Variants in TRHDE observed in about 807,000 individuals in gnomAD.
The protein encoded by TRHDE is thyrotropin releasing hormone degrading enzyme.
Under a neutral mutation model 125.7 loss-of-function variants are expected in TRHDE, and 72 were observed. That is an observed-to-expected ratio of 0.57 (90% CI 0.47 to 0.70). The LOEUF (loss-of-function observed/expected upper bound fraction) is 0.70, where lower values mean the gene tolerates loss of function less well. Among genes scored for constraint, TRHDE ranks in the 30% least tolerant of loss-of-function variants. TRHDE has a pLI of 0.00. For missense variants in TRHDE, 1,110 were observed against 1,327.1 expected (o/e 0.84, Z 2.54); for synonymous variants, 509 against 509.1 (o/e 1.00, Z 0.00).
intron 17 of TRHDE, among the ~76,000 whole-genome samples, chr12:72,654,166 A>G (rs887609202): frequency 7.9e-5 from 12 of 152,204 alleles, no homozygotes; most frequent in East Asian, 5.8e-4. Flanking sequence ...TTAAAAGAAT[A>G]TCAAACATCT....
intron 2 of TRHDE, among the ~76,000 whole-genome samples, chr12:72,311,747 T>C (rs1592536252): frequency 6.6e-6 from 1 of 152,130 alleles, no homozygotes; most frequent in African/African-American, 2.4e-5. Flanking sequence ...GGATATCCAG[T>C]AATGCAGAAA....
chr12:72,477,928 A>T (rs993984648), intron 5 of TRHDE, among the ~76,000 whole-genome samples: 1 of 152,198 alleles, frequency 6.6e-6, no homozygotes. Flanking sequence ...AATGAGAATC[A>T]TTAAACATGA....
chr12:72,620,407 C>T (rs894021968), intron 13 of TRHDE, among the ~76,000 whole-genome samples: 27 of 150,670 alleles, frequency 1.8e-4, no homozygotes, highest in Non-Finnish European at 3.1e-4. Flanking sequence ...CCTGTATTCC[C>T]AGCTGCTCAT....
intron 2 of TRHDE, among the ~76,000 whole-genome samples, chr12:72,249,132 G>T (rs941333755): frequency 3.9e-5 from 6 of 151,910 alleles, no homozygotes; most frequent in African/African-American, 1.5e-4. Context: ...CATGACGTTG[G>T]GGTAGGCAAA....
chr12:72,468,416 C>T (rs1040430034), intron 3 of TRHDE, among the ~76,000 whole-genome samples: 1 of 152,188 alleles, frequency 6.6e-6, no homozygotes. Flanking sequence ...ACTTAATTTT[C>T]TCTTTTCACC....
intron 2 of TRHDE, among the ~76,000 whole-genome samples, chr12:72,375,825 C>T (rs2135772284): frequency 6.6e-6 from 1 of 152,220 alleles, no homozygotes; most frequent in East Asian, 1.9e-4. Flanking sequence ...ATGCTTAGTC[C>T]AGGCCCTGAT....
chr12:72,247,209 T>C (rs1320016006), intron 2 of TRHDE, among the ~76,000 whole-genome samples: 1 of 152,140 alleles, frequency 6.6e-6, no homozygotes, highest in Admixed American at 6.5e-5. Flanking sequence ...ATTATGTAAA[T>C]AGTTGTTATA....
intron 5 of TRHDE, among the ~76,000 whole-genome samples, chr12:72,498,035 G>T (rs1002959989): frequency 6.6e-6 from 1 of 152,116 alleles, no homozygotes; most frequent in Non-Finnish European, 1.5e-5. Flanking sequence ...GACTCAAAGC[G>T]TGATTTGATT....
intron 3 of TRHDE, among the ~76,000 whole-genome samples, chr12:72,387,260 A>G (rs1872459531): frequency 6.6e-6 from 1 of 152,184 alleles, no homozygotes; most frequent in East Asian, 1.9e-4. Context: ...TTTCTGTAAT[A>G]TGACACATCT....
At chr12:72,318,928 G>A (rs1310858062) in intron 2 of TRHDE, among the ~76,000 whole-genome samples, 1 of 152,106 alleles carries the variant, frequency 6.6e-6, no homozygotes, top group African/African-American at 2.4e-5. Context: ...TTGGTAGGAT[G>A]ATTCTGGAAG....
In TRHDE at chr12:72,260,027, T is replaced by C. The variant is rs570035355; in HGVS notation, n.280-117968T>C. The stretch of plus-strand genomic sequence containing the variant: ...TTCAACTTAATTAAAATACTGAAAA[T>C]ATTGTAAGATGGCACATACTTTCTA... On this transcript the variant is annotated intron_variant and non_coding_transcript_variant, in intron 2 of 4. Coordinates refer to the TRHDE transcript ENST00000548156. 4.6e-5 allele frequency among the ~76,000 whole-genome samples: 7 copies of C among 152,286 alleles called. No individual in the cohort carries two copies. The East Asian group carries it at 1.4e-3, about 29-fold the overall frequency.
chr12:72,439,987 A>C (rs988953655), intron 3 of TRHDE, among the ~76,000 whole-genome samples: 1 of 151,892 alleles, frequency 6.6e-6, no homozygotes, highest in African/African-American at 2.4e-5. Context: ...GGATTTTCTC[A>C]TATGCTCTTT....
intron 2 of TRHDE, among the ~76,000 whole-genome samples, chr12:72,211,734 G>A (rs1428636250): frequency 6.6e-6 from 1 of 152,074 alleles, no homozygotes; most frequent in Non-Finnish European, 1.5e-5. Flanking sequence ...TGTGATAAGG[G>A]ATTTTATAGA....
chr12:72,288,581 G>A (rs1402353368), intron 2 of TRHDE, among the ~76,000 whole-genome samples: 2 of 152,252 alleles, frequency 1.3e-5, no homozygotes, highest in South Asian at 2.1e-4. Flanking sequence ...CACGGAACAC[G>A]AAGACATCTC....
intron 1 of TRHDE, among the ~76,000 whole-genome samples, chr12:72,282,744 A>G (rs1217912467): frequency 6.6e-6 from 1 of 152,206 alleles, no homozygotes; most frequent in Admixed American, 6.5e-5. Context: ...TATGACCTTT[A>G]AACTTCCATC....
At chr12:72,661,387 A>G (rs2136117125) in intron 18 of TRHDE, among the ~76,000 whole-genome samples, 1 of 152,298 alleles carries the variant, frequency 6.6e-6, no homozygotes, top group East Asian at 1.9e-4. Context: ...GTGACTGCCT[A>G]GGAAAAAAAG....
chr12:72,522,986 C>T (rs1484045177), intron 6 of TRHDE, among the ~76,000 whole-genome samples: 4 of 151,948 alleles, frequency 2.6e-5, no homozygotes, highest in African/African-American at 7.3e-5. Flanking sequence ...AAATCTTTCA[C>T]CATTTTCCAC....
chr12:72,513,349 C>T (rs1256487740), intron 6 of TRHDE, among the ~76,000 whole-genome samples: 1 of 152,032 alleles, frequency 6.6e-6, no homozygotes, highest in Non-Finnish European at 1.5e-5. Flanking sequence ...ACAAAGACAC[C>T]CTTTCTCTTT....
chr12:72,434,192 C>T (rs1025398001), intron 3 of TRHDE, among the ~76,000 whole-genome samples: 1 of 151,888 alleles, frequency 6.6e-6, no homozygotes, highest in Non-Finnish European at 1.5e-5. Flanking sequence ...CAAGAGCAGC[C>T]TGGCCAACAT....
Sources: gnomAD v4.1 joint callset for allele counts (sites outside exome capture counted in the v4.1 genomes callset) on GRCh38, gnomAD v4.1.1 for gene constraint, MANE v1.5 for transcripts, NCBI Gene and HGNC (gene_info 2026-07-23, HGNC 2026-07-21) for gene names.